Variants in KDM6A observed in about 807,000 individuals in gnomAD.
The protein encoded by KDM6A is lysine demethylase 6A, also known as lysine-specific demethylase 6A.
Under a neutral mutation model 117.6 loss-of-function variants are expected in KDM6A, and 11 were observed. That is an observed-to-expected ratio of 0.09 (90% CI 0.06 to 0.15). KDM6A has a LOEUF of 0.15. KDM6A is among the 10% of genes least tolerant of loss of function. The pLI, the probability that KDM6A is intolerant of heterozygous loss-of-function variation, is 1.00. For synonymous variants in KDM6A, 384 were observed against 396.1 expected, an observed-to-expected ratio of 0.97 and a Z score of 0.36; for missense variants, 799 against 1,077.3, an observed-to-expected ratio of 0.74 and a Z score of 3.62.
At chrX:44,993,969 C>T (rs926917565) in intron 4 of KDM6A, among the ~76,000 whole-genome samples, 6 of 112,097 alleles carry the variant, frequency 5.4e-5, no homozygotes, top group Non-Finnish European at 1.1e-4. Context: ...GCCTTCAGCA[C>T]TAGAAAATTT....
At chrX:44,923,482 C>T (rs184957330) in intron 2 of KDM6A, among the ~76,000 whole-genome samples, 4 of 99,996 alleles carry the variant, frequency 4.0e-5, no homozygotes, top group African/African-American at 1.1e-4. Flanking sequence ...ATTTGTATTG[C>T]GATGTCTTCA....
intron 20 of KDM6A, 48 bp downstream of exon 20, chrX:45,078,553 A>G: frequency 1.9e-6 from 2 of 1,058,110 alleles, no homozygotes; most frequent in Non-Finnish European, 2.6e-6. Context: ...TTGTTTTGCT[A>G]TCTTTTAACT....
intron 5 of KDM6A, among the ~76,000 whole-genome samples, chrX:45,012,423 G>A (rs185197322): frequency 2.7e-5 from 3 of 109,201 alleles, no homozygotes; most frequent in East Asian, 5.8e-4. Context: ...GGCTGGTGTC[G>A]AACTCCTGAC....
At chrX:44,931,351 C>T (rs1482649108) in intron 2 of KDM6A, among the ~76,000 whole-genome samples, 4 of 111,455 alleles carry the variant, frequency 3.6e-5, no homozygotes, top group Non-Finnish European at 5.6e-5. Flanking sequence ...CTGGGAATAC[C>T]GGCGTGAACT....
At chrX:44,873,774 G>A (rs939483927) in intron 1 of KDM6A, 62 bp downstream of exon 1, 1 of 1,152,387 alleles carries the variant, frequency 8.7e-7, no homozygotes, top group Non-Finnish European at 1.2e-6. Context: ...CTCCCGGGAG[G>A]ACCGAGCGCG....
At chrX:44,906,854 A>T (rs2034707735) in intron 2 of KDM6A, among the ~76,000 whole-genome samples, 1 of 112,139 alleles carries the variant, frequency 8.9e-6, no homozygotes, top group Non-Finnish European at 1.9e-5. Context: ...CATTATTGAT[A>T]CATAATTTGC....
At position 44,888,058 on chromosome X, in the gene KDM6A, G is replaced by A. The variant is rs186110832; in HGVS notation, c.225+14071G>A. On this transcript the variant is annotated intron_variant, in intron 2 of 29. Coordinates refer to ENST00000611820, the MANE Select transcript of KDM6A (RefSeq NM_001291415.2). The stretch of plus-strand genomic sequence containing the variant: ...GCAGTGGCTCACCCCTGTAATCCCA[G>A]CACTTTGGGAGGCTGAGGCGGGTGG... Among the ~76,000 whole-genome samples the A allele has an allele frequency of 5.2e-3, 576 of 111,568 alleles. 9 individuals are homozygous for A. Among genetic ancestry groups the A allele is most frequent in the African/African-American group, 0.016 (478 of 30,699 alleles).
At chrX:45,005,034 C>T (rs1176142502) in intron 4 of KDM6A, among the ~76,000 whole-genome samples, 2 of 111,014 alleles carry the variant, frequency 1.8e-5, no homozygotes, top group African/African-American at 6.6e-5. Context: ...CCCCCCCCTC[C>T]TTATGGTACC....
intron 4 of KDM6A, among the ~76,000 whole-genome samples, chrX:45,002,516 A>C (rs1018414590): frequency 8.9e-6 from 1 of 112,290 alleles, no homozygotes; most frequent in African/African-American, 3.2e-5. Context: ...TTAAAACAAA[A>C]TATATTTCTT....
intron 3 of KDM6A, among the ~76,000 whole-genome samples, chrX:44,966,939 G>A (rs1446476563): frequency 1.0e-5 from 1 of 99,400 alleles, no homozygotes; most frequent in Non-Finnish European, 2.0e-5. Flanking sequence ...GTGCAATCTC[G>A]GCTCACTGCA....
intron 8 of KDM6A, among the ~76,000 whole-genome samples, chrX:45,040,568 C>T (rs1193228368): frequency 1.5e-5 from 1 of 67,803 alleles, no homozygotes; most frequent in Admixed American, 1.4e-4. Context: ...CCAGTAGGGG[C>T]GGCCGGGCAG....
At chrX:45,072,040 G>A (rs912471386) in intron 18 of KDM6A, among the ~76,000 whole-genome samples, 7 of 111,854 alleles carry the variant, frequency 6.3e-5, no homozygotes, top group African/African-American at 2.3e-4. Context: ...CTCCCAAAGT[G>A]CTGGGATTAC....
At chrX:44,887,928 A>T (rs180875679) in intron 2 of KDM6A, among the ~76,000 whole-genome samples, 1 of 111,629 alleles carries the variant, frequency 9.0e-6, no homozygotes, top group East Asian at 2.8e-4. Context: ...CCAGGAATTT[A>T]AGGCTGTGGT....
intron 4 of KDM6A, among the ~76,000 whole-genome samples, chrX:45,005,953 ACCCCCCCACCCCCCCACCCCC>A (rs2041424442): frequency 4.3e-5 from 1 of 23,472 alleles, no homozygotes; most frequent in African/African-American, 2.2e-4. Context: ...ACTTCACCTC[ACCCCCCCACCCCCCCACCCCC>A]CCCACCCCCC....
chrX:44,911,909 C>T (rs772492483), intron 2 of KDM6A, among the ~76,000 whole-genome samples: 37 of 103,448 alleles, frequency 3.6e-4, no homozygotes, highest in Admixed American at 1.6e-3. Flanking sequence ...CGCCTGCAAT[C>T]GCAGGCGCTT....
intron 10 of KDM6A, among the ~76,000 whole-genome samples, chrX:45,056,961 T>TGTA (rs1238447985): frequency 1.8e-5 from 2 of 111,684 alleles, no homozygotes; most frequent in Non-Finnish European, 3.8e-5. Flanking sequence ...TGTTTGGCAT[T>TGTA]GTAGCTGATC....
At chrX:44,878,540 A>G (rs1483402955) in intron 2 of KDM6A, among the ~76,000 whole-genome samples, 2 of 111,947 alleles carry the variant, frequency 1.8e-5, no homozygotes. Flanking sequence ...TGTGCCTGGT[A>G]ATAAAGATAT....
intron 3 of KDM6A, among the ~76,000 whole-genome samples, chrX:44,967,030 C>T (rs1010827616): frequency 2.7e-5 from 3 of 110,096 alleles, no homozygotes; most frequent in African/African-American, 6.6e-5. Flanking sequence ...CCACCACGCC[C>T]GGCTAATTTT....
At chrX:45,043,847 C>T (rs994149427) in intron 8 of KDM6A, among the ~76,000 whole-genome samples, 3 of 111,933 alleles carry the variant, frequency 2.7e-5, no homozygotes, top group African/African-American at 9.7e-5. Context: ...GATAACTTTG[C>T]TTCTCTGTAC....
Sources: allele counts gnomAD v4.1 joint callset (sites outside exome capture counted in the v4.1 genomes callset), GRCh38; gene constraint gnomAD v4.1.1; transcripts MANE v1.5; gene names NCBI Gene and HGNC (gene_info 2026-07-23, HGNC 2026-07-21).